Variants in DCC observed in about 807,000 individuals in gnomAD.
DCC encodes DCC netrin 1 receptor, also known as netrin receptor DCC.
Under a neutral mutation model 172.5 loss-of-function variants are expected in DCC, and 58 were observed. The ratio of observed to expected loss-of-function variants is 0.34; its 90% CI spans 0.27 to 0.42. The LOEUF (loss-of-function observed/expected upper bound fraction) is 0.42. Among genes scored for constraint, DCC ranks in the 10% least tolerant of loss-of-function variants. The pLI, the probability that DCC is intolerant of heterozygous loss-of-function variation, is 1.00. For synonymous variants in DCC, 709 were observed against 644.5 expected, an observed-to-expected ratio of 1.10 and a Z score of -1.52; for missense variants, 1,740 against 1,791.0, an observed-to-expected ratio of 0.97 and a Z score of 0.51.
intron 19 of DCC, among the ~76,000 whole-genome samples, chr18:53,408,987 T>C (rs1030908773): frequency 4.6e-5 from 7 of 152,334 alleles, no homozygotes; most frequent in African/African-American, 1.7e-4. Context: ...TGATGAGTGA[T>C]ATAAAATGGC....
At chr18:53,238,667 G>C (rs2056240564) in intron 12 of DCC, among the ~76,000 whole-genome samples, 1 of 152,094 alleles carries the variant, frequency 6.6e-6, no homozygotes, top group Admixed American at 6.6e-5. Context: ...TATATGAGAA[G>C]TATGAGAAGT....
intron 12 of DCC, among the ~76,000 whole-genome samples, chr18:53,295,595 A>C (rs758771540): frequency 1.5e-4 from 23 of 152,182 alleles, no homozygotes; most frequent in Non-Finnish European, 2.8e-4. Context: ...TTTTGAGATT[A>C]TGAGTATAAC....
rs202038386 is a variant in DCC at position 52,642,381 on chromosome 18, C to T, written c.92-109673C>T. Among the ~76,000 whole-genome samples the T allele has an allele frequency of 1.1e-4, 16 of 151,912 alleles. No homozygotes were observed. In the East Asian group the frequency reaches 2.3e-3, roughly 22 times the overall value. ...AAAATATGGTGCAGTGTATACTGCTCGGGTGATGGGTGTACCAAAATCTCA... is the reference window on the plus strand; with the variant it reads ...AAAATATGGTGCAGTGTATACTGCTTGGGTGATGGGTGTACCAAAATCTCA... On this transcript the variant is annotated intron_variant, in intron 1 of 28. Transcript: ENST00000442544.
chr18:53,274,781 T>G (rs1289512242), intron 12 of DCC, among the ~76,000 whole-genome samples: 1 of 152,142 alleles, frequency 6.6e-6, no homozygotes, highest in Admixed American at 6.6e-5. Context: ...TTGATCGAAG[T>G]GTGGTCTCTT....
intron 7 of DCC, among the ~76,000 whole-genome samples, chr18:53,074,742 A>G (rs2144116790): frequency 6.6e-6 from 1 of 152,296 alleles, no homozygotes; most frequent in South Asian, 2.1e-4. Flanking sequence ...ATCTTTGACC[A>G]TATAATACTC....
chr18:53,209,685 C>G (rs1238146722), intron 11 of DCC, among the ~76,000 whole-genome samples: 1 of 152,110 alleles, frequency 6.6e-6, no homozygotes, highest in Non-Finnish European at 1.5e-5. Context: ...TTAGGCCCAT[C>G]CATCCAATTC....
At chr18:53,058,099 T>A (rs1354638960) in intron 5 of DCC, among the ~76,000 whole-genome samples, 2 of 152,238 alleles carry the variant, frequency 1.3e-5, no homozygotes, top group Admixed American at 1.3e-4. Context: ...GCCAGAAATG[T>A]GCTGAAGAAA....
At chr18:53,279,814 C>T (rs540018841) in intron 12 of DCC, among the ~76,000 whole-genome samples, 1 of 152,108 alleles carries the variant, frequency 6.6e-6, no homozygotes, top group South Asian at 2.1e-4. Flanking sequence ...AGCCAAAATC[C>T]TGAGTGAACT....
chr18:52,824,957 G>A (rs893476208), intron 2 of DCC, among the ~76,000 whole-genome samples: 3 of 142,370 alleles, frequency 2.1e-5, no homozygotes, highest in East Asian at 2.0e-4. Flanking sequence ...GCAACAGAGC[G>A]AGACTCCCTC....
intron 7 of DCC, among the ~76,000 whole-genome samples, chr18:53,149,488 G>C (rs963327152): frequency 9.2e-5 from 14 of 152,096 alleles, no homozygotes; most frequent in African/African-American, 3.4e-4. Context: ...ATTGCAGTTC[G>C]CTAGTCAAAT....
rs76443809 is a variant in DCC, at chr18:52,905,550, T to C, written c.413-494T>C. Among the ~76,000 whole-genome samples the C allele has an allele frequency of 9.7e-3, 1,482 of 152,276 alleles. 12 individuals are homozygous for C. The highest frequency in any genetic ancestry group is 0.024 in the Middle Eastern group (7 of 294). ...ATTGGTGGTTCCTATCATCCCTCTT[T>C]CTTGAAGCTGCTCTAGGTCATGCCG... On this transcript the variant is annotated intron_variant, in intron 2 of 28. Coordinates refer to ENST00000442544, the MANE Select transcript of DCC (RefSeq NM_005215.4).
chr18:53,281,332 T>C (rs2056869334), intron 12 of DCC, among the ~76,000 whole-genome samples: 1 of 152,196 alleles, frequency 6.6e-6, no homozygotes, highest in Non-Finnish European at 1.5e-5. Flanking sequence ...AAATTTGATA[T>C]GTCATGTAAC....
intron 1 of DCC, among the ~76,000 whole-genome samples, chr18:52,504,372 T>C (rs1456909745): frequency 4.6e-5 from 7 of 152,140 alleles, no homozygotes; most frequent in Admixed American, 4.6e-4. Context: ...TACTGGTAAC[T>C]AGTGACTGGC....
At chr18:52,556,818 C>T (rs1055177942) in intron 1 of DCC, among the ~76,000 whole-genome samples, 7 of 152,048 alleles carry the variant, frequency 4.6e-5, no homozygotes, top group African/African-American at 1.7e-4. Flanking sequence ...GAGCAGCTCC[C>T]TCTGATCAGC....
chr18:52,725,689 A>C (rs2036541197), intron 1 of DCC, among the ~76,000 whole-genome samples: 1 of 152,198 alleles, frequency 6.6e-6, no homozygotes, highest in South Asian at 2.1e-4. Context: ...AAAGACTCTT[A>C]ATGTGTTCAA....
chr18:52,916,540 C>G (rs996512425), intron 3 of DCC, among the ~76,000 whole-genome samples: 22 of 152,094 alleles, frequency 1.4e-4, no homozygotes, highest in Non-Finnish European at 1.3e-4. Context: ...ATACAATGTA[C>G]CAATCCAAAT....
chr18:52,440,319 CA>C (rs369584758), intron 1 of DCC, among the ~76,000 whole-genome samples: 64 of 152,302 alleles, frequency 4.2e-4, no homozygotes, highest in African/African-American at 1.5e-3. Flanking sequence ...TACAAATCCA[CA>C]AGGATGGTTC....
intron 22 of DCC, among the ~76,000 whole-genome samples, chr18:53,440,882 C>T (rs8090945): frequency 0.55 from 83,180 of 151,956 alleles, 23,368 homozygotes; most frequent in Non-Finnish European, 0.61. Flanking sequence ...ACTTAAACTC[C>T]GGATCTCAAT....
chr18:53,121,393 C>CTGCTTGT (rs2043481814), intron 7 of DCC, among the ~76,000 whole-genome samples: 1 of 151,922 alleles, frequency 6.6e-6, no homozygotes, highest in Admixed American at 6.6e-5. Context: ...TGATTGGCCA[C>CTGCTTGT]TGCTTGTTTC....
Sources: allele counts gnomAD v4.1 joint callset (sites outside exome capture counted in the v4.1 genomes callset), GRCh38; gene constraint gnomAD v4.1.1; transcripts MANE v1.5; gene names NCBI Gene and HGNC (gene_info 2026-07-23, HGNC 2026-07-21).